GRM1: variants seen among roughly 807,000 people sequenced by gnomAD.
GRM1 encodes glutamate metabotropic receptor 1.
Under a neutral mutation model 90.9 loss-of-function variants are expected in GRM1, and 33 were observed. The observed-to-expected ratio is 0.36, with a 90% CI of 0.28 to 0.49. The LOEUF (loss-of-function observed/expected upper bound fraction) is 0.49. Ranked by LOEUF, GRM1 falls within the 20% of genes least tolerant of loss-of-function variation. The pLI is 0.99. For synonymous variants in GRM1, 700 were observed against 613.2 expected (o/e 1.14, Z -2.09); for missense variants, 1,190 against 1,534.3 (o/e 0.78, Z 3.75).
At chr6:146,109,366 T>C (rs1456093948) in intron 1 of GRM1, among the ~76,000 whole-genome samples, 1 of 152,186 alleles carries the variant, frequency 6.6e-6, no homozygotes, top group Non-Finnish European at 1.5e-5. Context: ...GCTTGGGCTG[T>C]GGCTTCAGAG....
chr6:146,141,306 TAAGATTTTTTTTTTGTCCTTGA>T (rs1161184154), intron 1 of GRM1, among the ~76,000 whole-genome samples: 1 of 151,696 alleles, frequency 6.6e-6, no homozygotes, highest in Non-Finnish European at 1.5e-5. Flanking sequence ...TTGCTGCTTC[TAAGATTTTTTTTTTGTCCTTGA>T]CCTTGGGAAT....
intron 6 of GRM1, among the ~76,000 whole-genome samples, chr6:146,392,156 T>C (rs1440265607): frequency 6.6e-6 from 1 of 152,176 alleles, no homozygotes; most frequent in African/African-American, 2.4e-5. Flanking sequence ...TGCTCACTGA[T>C]GGATTTTGCC....
At chr6:146,201,824 A>G (rs1327490777) in intron 2 of GRM1, among the ~76,000 whole-genome samples, 1 of 152,230 alleles carries the variant, frequency 6.6e-6, no homozygotes, top group East Asian at 1.9e-4. Flanking sequence ...CATAGCTAGT[A>G]AGTGATTGTG....
At chr6:146,397,084 C>G (rs1468180716) in intron 6 of GRM1, among the ~76,000 whole-genome samples, 1 of 152,110 alleles carries the variant, frequency 6.6e-6, no homozygotes, top group African/African-American at 2.4e-5. Flanking sequence ...TTGATCAGAG[C>G]ATCTCCTGGA....
intron 5 of GRM1, among the ~76,000 whole-genome samples, chr6:146,364,568 T>C (rs1018968698): frequency 6.6e-6 from 1 of 152,224 alleles, no homozygotes; most frequent in African/African-American, 2.4e-5. Context: ...ACATCTGTAA[T>C]GAGTATTTTT....
rs749032176 is a variant in GRM1, at chr6:146,228,003, CACTT to C, written c.950+68410_950+68413del. ...TTGTCAAGCGAGACCACGATTGAAACACTTACTCTCAAAGTTTTCTCTGACATTT... is the reference window on the plus strand; with the variant it reads ...TTGTCAAGCGAGACCACGATTGAAACACTCTCAAAGTTTTCTCTGACATTT... On this transcript the variant is annotated intron_variant, in intron 2 of 7. Coordinates refer to ENST00000282753, the MANE Select transcript of GRM1 (RefSeq NM_001278064.2). Among the ~76,000 whole-genome samples the C allele has an allele frequency of 9.9e-5, 15 of 152,216 alleles. No individual in the cohort carries two copies. The East Asian group carries it at 1.5e-3, about 16-fold the overall frequency.
At chr6:146,039,156 T>A (rs1218390591) in intron 1 of GRM1, among the ~76,000 whole-genome samples, 1 of 152,002 alleles carries the variant, frequency 6.6e-6, no homozygotes, top group African/African-American at 2.4e-5. Context: ...GTGATTACTA[T>A]TCAGTTTTGC....
chr6:146,094,279 G>T (rs1248730328), intron 1 of GRM1, among the ~76,000 whole-genome samples: 4 of 152,078 alleles, frequency 2.6e-5, no homozygotes, highest in Admixed American at 6.6e-5. Context: ...TGGTAAATCT[G>T]TGGTGACTGT....
At chr6:146,358,806 G>A (rs1373196356) in intron 5 of GRM1, among the ~76,000 whole-genome samples, 1 of 152,164 alleles carries the variant, frequency 6.6e-6, no homozygotes, top group Admixed American at 6.5e-5. Flanking sequence ...CTATCCTGGT[G>A]GACTCAAATT....
intron 5 of GRM1, among the ~76,000 whole-genome samples, chr6:146,378,550 T>C (rs1248584118): frequency 2.6e-5 from 4 of 152,226 alleles, no homozygotes; most frequent in African/African-American, 9.6e-5. Flanking sequence ...TGTAGCCCTT[T>C]TGTTTTGGCC....
At chr6:146,258,666 T>A (rs974279141) in intron 2 of GRM1, among the ~76,000 whole-genome samples, 8 of 152,038 alleles carry the variant, frequency 5.3e-5, no homozygotes, top group African/African-American at 1.9e-4. Context: ...ATTATAGATG[T>A]GAGTCATGGT....
intron 1 of GRM1, among the ~76,000 whole-genome samples, chr6:146,043,796 T>TAGATATATATATAG (rs1554260532): frequency 7.2e-6 from 1 of 137,940 alleles, no homozygotes; most frequent in Non-Finnish European, 1.6e-5. Flanking sequence ...TATATATATA[T>TAGATATATATATAG]ATATATATAT....
At chr6:146,042,133 T>C (rs915441537) in intron 1 of GRM1, among the ~76,000 whole-genome samples, 1 of 151,972 alleles carries the variant, frequency 6.6e-6, no homozygotes, top group South Asian at 2.1e-4. Flanking sequence ...AATTCAAAAG[T>C]CTCTATCTTT....
At chr6:146,397,912 T>A (rs1777024188) in intron 6 of GRM1, among the ~76,000 whole-genome samples, 1 of 152,262 alleles carries the variant, frequency 6.6e-6, no homozygotes, top group African/African-American at 2.4e-5. Context: ...ATGACTTTAT[T>A]CTCACAATTT....
intron 2 of GRM1, among the ~76,000 whole-genome samples, chr6:146,211,243 C>T (rs1779678849): frequency 6.6e-6 from 1 of 151,296 alleles, no homozygotes. Flanking sequence ...AGTTTTTATC[C>T]ACTGTCTTGG....
chr6:146,434,718 G>T lies in GRM1; in HGVS notation c.3507G>T (p.Ser1169=). The change falls in exon 8 of 8, where the codon TCG becomes TCT. Residue 1169 remains serine (S), a synonymous_variant. Coordinates refer to ENST00000282753, the MANE Select transcript of GRM1 (RefSeq NM_001278064.2). ...TGCCCAGCTCCCCCGTGTCCGAGTC[G>T]GTGCTCTGCACCCCTCCCAACGTAT... ...SSVPSSPVSE[S]VLCTPPNVSY... is the part of the protein sequence containing the mutation. 1.2e-6 allele frequency: 2 copies of T among 1,601,960 alleles called. No homozygotes were observed. Among genetic ancestry groups the T allele is most frequent in the Non-Finnish European group, 1.7e-6 (2 of 1,179,938 alleles).
chr6:146,194,242 C>T (rs902165882), intron 2 of GRM1, among the ~76,000 whole-genome samples: 8 of 152,230 alleles, frequency 5.3e-5, no homozygotes, highest in African/African-American at 1.9e-4. Flanking sequence ...ATTGAACCAG[C>T]TTTCTCCTTT....
intron 2 of GRM1, among the ~76,000 whole-genome samples, chr6:146,193,090 T>C (rs1410906553): frequency 6.6e-6 from 1 of 152,188 alleles, no homozygotes; most frequent in Non-Finnish European, 1.5e-5. Flanking sequence ...GAGATGAGGA[T>C]GCCCCTAAGT....
chr6:146,426,172 A>G (rs1015007070), intron 7 of GRM1, among the ~76,000 whole-genome samples: 6 of 143,876 alleles, frequency 4.2e-5, no homozygotes, highest in African/African-American at 1.6e-4. Flanking sequence ...AGTGTCAGAC[A>G]TAAACTCATG....
Sources: allele counts gnomAD v4.1 joint callset (sites outside exome capture counted in the v4.1 genomes callset), GRCh38; gene constraint gnomAD v4.1.1; transcripts MANE v1.5; gene names NCBI Gene and HGNC (gene_info 2026-07-23, HGNC 2026-07-21).